GRM5: variants seen among roughly 807,000 people sequenced by gnomAD.
GRM5 encodes glutamate metabotropic receptor 5.
Under a neutral mutation model 83.1 loss-of-function variants are expected in GRM5, and 19 were observed. That is an observed-to-expected ratio of 0.23 (90% CI 0.16 to 0.34). The LOEUF is 0.34. Among genes scored for constraint, GRM5 ranks in the 10% least tolerant of loss-of-function variants. The pLI, the probability that GRM5 is intolerant of heterozygous loss-of-function variation, is 1.00. For missense variants in GRM5, 1,160 were observed against 1,588.3 expected (o/e 0.73, Z 4.58); for synonymous variants, 675 against 633.6 (o/e 1.07, Z -0.98).
Position 89,041,932 on chromosome 11 carries a change from G to A in GRM5, c.661+5280C>T, listed in dbSNP as rs542400940. ...CTCATGTTTTCAGAATTTTTGTGGA[G>A]CAAAGGAAAATCTTTCAGAGTTTCC... On this transcript the variant is annotated intron_variant, in intron 2 of 9. Coordinates refer to ENST00000305447, the MANE Select transcript of GRM5 (RefSeq NM_001143831.3). Among the ~76,000 whole-genome samples, 77 of 152,266 alleles carry A rather than the reference G, an allele frequency of 5.1e-4. 1 individual carries two copies. Among genetic ancestry groups the A allele is most frequent in the African/African-American group, 1.6e-3 (68 of 41,554 alleles).
chr11:88,508,853 G>A lies in GRM5; in HGVS notation c.3378C>T (p.Gly1126=), dbSNP rs772967259. 2 of 1,566,296 alleles carry A rather than the reference G, an allele frequency of 1.3e-6. No individual in the cohort carries two copies. The highest frequency in any genetic ancestry group is 1.2e-5 in the South Asian group (1 of 85,042). ...QPLPAIEVTG[G]AQPAAGAQAA... ...CCTGCGCCCCTGCCGCGGGCTGCGC[G>A]CCTCCCGTGACTTCGATGGCCGGCA... The change falls in exon 10 of 10, where the codon GGC becomes GGT. Residue 1126 remains glycine (G), a synonymous_variant. Transcript: ENST00000305447. This position sits in a 1 kb window ranked among gnomAD's most constrained non-coding sequence, Gnocchi z 4.2.
chr11:88,681,565 CTTTTTTTTTTTT>C (rs796854617), intron 3 of GRM5, among the ~76,000 whole-genome samples: 3 of 25,414 alleles, frequency 1.2e-4, no homozygotes, highest in African/African-American at 3.4e-4. Context: ...TGAGTTCTTC[CTTTTTTTTTTTT>C]TTTTTTTTTT....
chr11:88,856,867 T>C (rs930487103), intron 2 of GRM5, among the ~76,000 whole-genome samples: 3 of 152,098 alleles, frequency 2.0e-5, no homozygotes. Flanking sequence ...CATCATTATA[T>C]GGCATGTAAC....
chr11:88,945,589 T>A (rs1474291287), intron 2 of GRM5, among the ~76,000 whole-genome samples: 2 of 152,074 alleles, frequency 1.3e-5, no homozygotes, highest in Non-Finnish European at 2.9e-5. Flanking sequence ...GCTGCACACC[T>A]ACAACCATCT....
intron 2 of GRM5, among the ~76,000 whole-genome samples, chr11:88,898,162 C>A (rs1187084354): frequency 6.6e-6 from 1 of 151,932 alleles, no homozygotes; most frequent in South Asian, 2.1e-4. Flanking sequence ...AATCCTCCAT[C>A]TTCACATGAC....
intron 8 of GRM5, among the ~76,000 whole-genome samples, chr11:88,534,903 CT>C (rs1354980826): frequency 6.6e-6 from 1 of 152,170 alleles, no homozygotes; most frequent in Non-Finnish European, 1.5e-5. Context: ...CTCACAAGAG[CT>C]GATGGTTTGA....
chr11:89,010,910 C>CT (rs2135089561), intron 2 of GRM5, among the ~76,000 whole-genome samples: 1 of 152,264 alleles, frequency 6.6e-6, no homozygotes, highest in South Asian at 2.1e-4. Context: ...AATGAGAAGC[C>CT]TTAGTGGTCT....
chr11:88,791,142 T>C (rs1057271566), intron 3 of GRM5, among the ~76,000 whole-genome samples: 2 of 152,176 alleles, frequency 1.3e-5, no homozygotes, highest in Non-Finnish European at 2.9e-5. Context: ...TTAATTAAAA[T>C]TTAGGGATAA....
At chr11:88,607,045 G>C (rs1591378036) in intron 4 of GRM5, among the ~76,000 whole-genome samples, 1 of 147,220 alleles carries the variant, frequency 6.8e-6, no homozygotes, top group Admixed American at 6.9e-5. Flanking sequence ...TCTCCATCTT[G>C]ATTGCTGGCC....
intron 1 of GRM5, among the ~76,000 whole-genome samples, chr11:89,060,281 TATATACAC>T (rs921377837): frequency 2.9e-5 from 4 of 136,924 alleles, no homozygotes; most frequent in Non-Finnish European, 6.6e-5. Flanking sequence ...TATATATATA[TATATACAC>T]ACACACACAC....
chr11:88,935,001 A>G (rs2135654557), intron 2 of GRM5, among the ~76,000 whole-genome samples: 1 of 152,042 alleles, frequency 6.6e-6, no homozygotes, highest in Non-Finnish European at 1.5e-5. Context: ...TTATATCTCA[A>G]GCACTGTGCT....
At chr11:88,888,004 C>T (rs1051895235) in intron 2 of GRM5, among the ~76,000 whole-genome samples, 6 of 152,178 alleles carry the variant, frequency 3.9e-5, no homozygotes, top group Non-Finnish European at 8.8e-5. Context: ...CTGCCTTAAC[C>T]GGGGCCACCT....
At position 88,703,762 on chromosome 11, in the gene GRM5, AAAT is replaced by A. The variant is rs557530542; in HGVS notation, c.912-50362_912-50360del. Among the ~76,000 whole-genome samples, 982 of 152,196 alleles carry A rather than the reference AAAT, an allele frequency of 6.5e-3. 9 individuals are homozygous for A. The highest frequency in any genetic ancestry group is 9.9e-3 in the Non-Finnish European group (673 of 67,992). The stretch of plus-strand genomic sequence containing the variant: ...GGGAAGGATCAAACTATAATCATTA[AAAT>A]AATAATACAATAAATGCAGTACGAC... On this transcript the variant is annotated intron_variant, in intron 3 of 9. Transcript: ENST00000305447.
intron 2 of GRM5, among the ~76,000 whole-genome samples, chr11:88,912,708 C>T (rs966242827): frequency 6.6e-6 from 1 of 152,140 alleles, no homozygotes; most frequent in African/African-American, 2.4e-5. Flanking sequence ...TATAGTATCT[C>T]TTAAAGATTT....
chr11:88,587,765 G>A (rs572704395), intron 7 of GRM5, among the ~76,000 whole-genome samples: 3 of 152,018 alleles, frequency 2.0e-5, no homozygotes, highest in Non-Finnish European at 2.9e-5. Context: ...GAACAAACAC[G>A]AATAGCTGAG....
chr11:88,816,559 AGAAAAGAAAAAGAAAT>A (rs1943689527), intron 3 of GRM5, among the ~76,000 whole-genome samples: 1 of 143,730 alleles, frequency 7.0e-6, no homozygotes, highest in African/African-American at 2.9e-5. Flanking sequence ...AAAAAAGAAA[AGAAAAGAAAAAGAAAT>A]TGGAAACAGA....
chr11:88,567,423 A>G lies in GRM5; in HGVS notation c.2260T>C (p.Cys754Arg). ...CTGGTCTTGAACGCATAGAAGGTGC[A>G]GCTCAAAATCAACAATCCATTGTAT... is the stretch of plus-strand genomic sequence containing the variant. ...LGYNGLLILS[C>R]TFYAFKTRNV... is the part of the protein sequence containing the mutation. Residue 754 changes from cysteine to arginine, a missense_variant, in exon 8 of 10, where the codon TGC becomes CGC. Coordinates refer to ENST00000305447, the MANE Select transcript of GRM5 (RefSeq NM_001143831.3). The surrounding 1 kb of genome is among the most constrained non-coding windows in gnomAD (Gnocchi z 7.3). 6.2e-7 allele frequency: 1 copy of G among 1,614,052 alleles called. No homozygotes were observed. The highest frequency in any genetic ancestry group is 8.5e-7 in the Non-Finnish European group (1 of 1,179,870).
At chr11:88,753,605 A>G (rs1458348123) in intron 3 of GRM5, among the ~76,000 whole-genome samples, 1 of 152,212 alleles carries the variant, frequency 6.6e-6, no homozygotes, top group Non-Finnish European at 1.5e-5. Flanking sequence ...CCATTATATT[A>G]TAAAGATACA....
In GRM5 at chr11:88,930,234, C is replaced by G. The variant is rs372700291; in HGVS notation, c.662-80079G>C. On this transcript the variant is annotated intron_variant, in intron 2 of 9. Transcript: ENST00000305447. ...GACCAACCTGAGCAGCATAGTGAGA[C>G]CCAGTGTTCACCAAAATTAAAAAAA... Among the ~76,000 whole-genome samples the G allele has an allele frequency of 6.0e-5, 9 of 149,578 alleles. 1 individual carries two copies. The highest frequency in any genetic ancestry group is 2.0e-4 in the East Asian group (1 of 5,008).
Sources: allele counts gnomAD v4.1 joint callset (sites outside exome capture counted in the v4.1 genomes callset), GRCh38; gene constraint gnomAD v4.1.1; non-coding constraint Gnocchi (gnomAD v3.1); transcripts MANE v1.5; gene names NCBI Gene and HGNC (gene_info 2026-07-23, HGNC 2026-07-21).